ITPK1: variants seen among roughly 807,000 people sequenced by gnomAD.
ITPK1 encodes the protein inositol 1,3,4-trisphosphate 5/6-kinase.
ITPK1 carries 21 observed loss-of-function variants against 45.3 expected under a neutral mutation model. The ratio of observed to expected loss-of-function variants is 0.46; its 90% confidence interval spans 0.33 to 0.67. The LOEUF is 0.67. Among genes scored for constraint, ITPK1 ranks in the 30% least tolerant of loss-of-function variants. The pLI, the probability that ITPK1 is intolerant of heterozygous loss-of-function variation, is 0.02. For missense variants in ITPK1, 474 were observed against 573.5 expected, an observed-to-expected ratio of 0.83 and a Z score of 1.77; for synonymous variants, 258 against 253.6, an observed-to-expected ratio of 1.02 and a Z score of -0.16.
intron 3 of ITPK1, among the ~76,000 whole-genome samples, chr14:93,051,754 C>T (rs1566757331): frequency 6.6e-6 from 1 of 152,204 alleles, no homozygotes; most frequent in South Asian, 2.1e-4. Flanking sequence ...TCAATGAGAC[C>T]GGAAACCACC....
At position 92,941,497 on chromosome 14, in the gene ITPK1, G is replaced by A; in HGVS notation, c.*64C>T. ...TTCTTAGTAGTAGCATCGCCGTTGG[G>A]AGCTGCTGGCCCAGCGGGTGTGCTC... On this transcript the variant is annotated 3_prime_UTR_variant, in exon 11 of 11. Transcript: ENST00000267615. 6.9e-7 allele frequency: 1 copy of A among 1,453,914 alleles called. No individual in the cohort carries two copies. Among genetic ancestry groups the A allele is most frequent in the Non-Finnish European group, 9.0e-7 (1 of 1,110,440 alleles). The allele number at this position is 1,453,914 out of a possible 1,614,324, so 90.1% of individuals were successfully genotyped here.
intron 2 of ITPK1, among the ~76,000 whole-genome samples, chr14:93,097,946 T>G (rs1010148691): frequency 4.0e-5 from 6 of 151,744 alleles, no homozygotes; most frequent in African/African-American, 1.5e-4. Flanking sequence ...GAGGCAGAGG[T>G]TGCAGTGAGC....
chr14:93,081,068 G>A (rs961358299), intron 2 of ITPK1, among the ~76,000 whole-genome samples: 1 of 150,142 alleles, frequency 6.7e-6, no homozygotes, highest in African/African-American at 2.4e-5. Flanking sequence ...GGTGGCTCAC[G>A]CCTGTAATCC....
chr14:93,006,853 C>A (rs1270729405), intron 4 of ITPK1, among the ~76,000 whole-genome samples: 1 of 152,202 alleles, frequency 6.6e-6, no homozygotes, highest in Non-Finnish European at 1.5e-5. Context: ...CCACTGAAAA[C>A]AATACCTCCC....
intron 2 of ITPK1, among the ~76,000 whole-genome samples, chr14:93,083,709 TA>T (rs1891535830): frequency 6.6e-6 from 1 of 152,148 alleles, no homozygotes; most frequent in South Asian, 2.1e-4. Context: ...TTGGGGCTCC[TA>T]AACAGATGAC....
At chr14:93,057,959 A>G (rs1350448597) in intron 3 of ITPK1, among the ~76,000 whole-genome samples, 1 of 152,158 alleles carries the variant, frequency 6.6e-6, no homozygotes, top group Non-Finnish European at 1.5e-5. Context: ...GCTCGGCGAG[A>G]GCCCTCCCCA....
chr14:93,112,844 T>A (rs1187336108), intron 2 of ITPK1, among the ~76,000 whole-genome samples: 1 of 152,178 alleles, frequency 6.6e-6, no homozygotes, highest in Non-Finnish European at 1.5e-5. Flanking sequence ...AGATTCTGAA[T>A]GTGGAAAACA....
intron 4 of ITPK1, among the ~76,000 whole-genome samples, chr14:93,002,539 C>T (rs540205335): frequency 1.5e-4 from 23 of 152,200 alleles, no homozygotes; most frequent in African/African-American, 5.5e-4. Context: ...GCCAGGGTTG[C>T]TCTGGGGCAT....
chr14:93,002,323 C>T (rs1407200799), intron 4 of ITPK1, among the ~76,000 whole-genome samples: 2 of 152,158 alleles, frequency 1.3e-5, no homozygotes, highest in East Asian at 1.9e-4. Flanking sequence ...CGGGGCATTA[C>T]AGTGAGACCC....
At position 93,089,175 on chromosome 14, in the gene ITPK1, C is replaced by T. The variant is rs575539683; in HGVS notation, c.96-12556G>A. On this transcript the variant is annotated intron_variant, in intron 2 of 10. Transcript: ENST00000267615. ...GCCAAAAGGATGGATGCCATTGCCCCAGGGGCCCCAAGACCTGAGGAGCAG... is the reference window on the plus strand; with the variant it reads ...GCCAAAAGGATGGATGCCATTGCCCTAGGGGCCCCAAGACCTGAGGAGCAG... 2.8e-3 allele frequency among the ~76,000 whole-genome samples: 430 copies of T among 152,306 alleles called. 2 individuals carry two copies. Among genetic ancestry groups the T allele is most frequent in the Middle Eastern group, 6.8e-3 (2 of 294 alleles).
In ITPK1 at chr14:92,940,174, T is replaced by G; in HGVS notation, c.*1387A>C. ...GGCTCGGGGGCCTCTCTCGGGACAC[T>G]CAGCACTTTCTCTAGCGTCCTCCAT... On this transcript the variant is annotated 3_prime_UTR_variant, in exon 11 of 11. Transcript: ENST00000267615. 1.0e-6 allele frequency: 1 copy of G among 985,734 alleles called. No homozygotes were observed. Among genetic ancestry groups the G allele is most frequent in the Non-Finnish European group, 1.2e-6 (1 of 830,112 alleles). The allele number at this position is 985,734 out of a possible 1,614,324, so 61.1% of individuals were successfully genotyped here. A position where few individuals can be genotyped will look rare whatever the true frequency, so the allele number is the denominator to read the frequency against.
intron 9 of ITPK1, among the ~76,000 whole-genome samples, chr14:92,950,812 T>C (rs1157355556): frequency 6.6e-6 from 1 of 152,234 alleles, no homozygotes; most frequent in Non-Finnish European, 1.5e-5. Flanking sequence ...GAACATCTCA[T>C]AATATTCTCA....
Position 92,939,527 on chromosome 14 carries a change from G to T in ITPK1, c.*2034C>A. 3.5e-6 allele frequency: 1 copy of T among 283,732 alleles called. No individual in the cohort carries two copies. The highest frequency in any genetic ancestry group is 5.3e-6 in the Non-Finnish European group (1 of 188,434). 17.6% of individuals were successfully genotyped at this position (283,732 alleles called of 1,614,324 possible). On this transcript the variant is annotated 3_prime_UTR_variant, in exon 11 of 11. Coordinates refer to ENST00000267615, the MANE Select transcript of ITPK1 (RefSeq NM_014216.6). ...TCCCATGTAGCTCCCAGGCCTTTAC[G>T]AAGCAAATCTCCATCCTCCATCTCC...
At chr14:93,088,341 G>GTTTTTTTTTTTT (rs1179019290) in intron 2 of ITPK1, among the ~76,000 whole-genome samples, 2 of 132,722 alleles carry the variant, frequency 1.5e-5, no homozygotes, top group African/African-American at 5.6e-5. Context: ...GTTTTGTTTT[G>GTTTTTTTTTTTT]TTTTTTTTTT....
chr14:93,047,243 C>G (rs1889816099), intron 3 of ITPK1, among the ~76,000 whole-genome samples: 1 of 152,154 alleles, frequency 6.6e-6, no homozygotes, highest in Non-Finnish European at 1.5e-5. Context: ...GGGGGTTGAC[C>G]CACACTCACT....
chr14:93,030,621 G>A (rs187244832), intron 3 of ITPK1, among the ~76,000 whole-genome samples: 162 of 152,214 alleles, frequency 1.1e-3, no homozygotes, highest in African/African-American at 3.6e-3. Flanking sequence ...GAAGCGACTG[G>A]AGGCACCACC....
chr14:93,097,681 T>C (rs1892136789), intron 2 of ITPK1, among the ~76,000 whole-genome samples: 1 of 152,220 alleles, frequency 6.6e-6, no homozygotes, highest in Non-Finnish European at 1.5e-5. Context: ...TTCACAAAGA[T>C]GCCCAATGCA....
chr14:93,005,345 C>G (rs910807579), intron 4 of ITPK1, among the ~76,000 whole-genome samples: 1 of 152,148 alleles, frequency 6.6e-6, no homozygotes, highest in African/African-American at 2.4e-5. Context: ...ATATTTAAAC[C>G]CATGAGCTCA....
intron 5 of ITPK1, among the ~76,000 whole-genome samples, chr14:92,963,618 T>C (rs989949647): frequency 3.3e-5 from 5 of 152,224 alleles, no homozygotes; most frequent in African/African-American, 1.2e-4. Context: ...CAGCTTGGCA[T>C]TCCTGGGCCC....
Sources: allele counts gnomAD v4.1 joint callset (sites outside exome capture counted in the v4.1 genomes callset), GRCh38; gene constraint gnomAD v4.1.1; transcripts MANE v1.5; gene names NCBI Gene and HGNC (gene_info 2026-07-23, HGNC 2026-07-21).